MEFV: variants seen among roughly 807,000 people sequenced by gnomAD.
MEFV encodes pyrin.
MEFV carries 60 observed loss-of-function variants against 62.5 expected under a neutral mutation model. That is an observed-to-expected ratio of 0.96 (90% CI 0.78 to 1.19). The LOEUF is 1.19. Among genes scored for constraint, MEFV ranks in the 50% most tolerant of loss-of-function variants. The pLI, the probability that MEFV is intolerant of heterozygous loss-of-function variation, is 0.00. For synonymous variants in MEFV, 500 were observed against 415.2 expected (o/e 1.20, Z -2.48); for missense variants, 1,169 against 1,004.5 (o/e 1.16, Z -2.21).
chr16:3,255,871 G>C (rs2141678895), intron 1 of MEFV, among the ~76,000 whole-genome samples: 1 of 152,170 alleles, frequency 6.6e-6, no homozygotes, highest in South Asian at 2.1e-4. Context: ...GGAGGCTGAG[G>C]CGGGAGGATC....
In MEFV at chr16:3,242,794, G is replaced by C. The variant is rs1461897075; in HGVS notation, c.*347C>G. 5.2e-6 allele frequency: 2 copies of C among 381,496 alleles called. No homozygotes were observed. The highest frequency in any genetic ancestry group is 1.0e-5 in the Non-Finnish European group (2 of 199,964). The allele number at this position is 381,496 out of a possible 1,614,324, so 23.6% of individuals were successfully genotyped here. A position where few individuals can be genotyped will look rare whatever the true frequency, so the allele number is the denominator to read the frequency against. ...CTCAAGACAGAAGCAGAGAGAACAAGGGGACATATATCCTTGCCGTGGGGT... is the reference window on the plus strand; with the variant it reads ...CTCAAGACAGAAGCAGAGAGAACAACGGGACATATATCCTTGCCGTGGGGT... On this transcript the variant is annotated 3_prime_UTR_variant, in exon 10 of 10. Coordinates refer to ENST00000219596, the MANE Select transcript of MEFV (RefSeq NM_000243.3).
intron 4 of MEFV, chr16:3,247,591 A>G (rs948769643): frequency 3.2e-6 from 1 of 316,008 alleles, no homozygotes; most frequent in Admixed American, 4.4e-5. Context: ...ATGTGGTCCT[A>G]CTGGGATTGG....
At chr16:3,243,914 G>C (rs765798214) in intron 8 of MEFV, 22 bp from the exon 9 acceptor site, 3 of 1,613,530 alleles carry the variant, frequency 1.9e-6, no homozygotes, top group Admixed American at 1.7e-5. Context: ...AATCAGATAG[G>C]GAAAAAAATC....
intron 8 of MEFV, 144 bp downstream of exon 8, chr16:3,244,110 G>A (rs773652402): frequency 6.4e-7 from 1 of 1,554,436 alleles, no homozygotes. Flanking sequence ...CAGAGCCTGG[G>A]GGGCCTGCCA....
At chr16:3,251,903 C>A (rs951671190) in intron 2 of MEFV, 2 of 277,972 alleles carry the variant, frequency 7.2e-6, no homozygotes, top group South Asian at 3.1e-5. Flanking sequence ...CTAGAAGACA[C>A]CCAGGAATCC....
intron 2 of MEFV, among the ~76,000 whole-genome samples, chr16:3,253,218 T>G (rs1166291189): frequency 1.3e-5 from 2 of 152,056 alleles, no homozygotes; most frequent in African/African-American, 4.8e-5. Flanking sequence ...CCAGTTACCT[T>G]AAGATCATTT....
Position 3,244,266 on chromosome 16 carries a change from C to A in MEFV, c.1747G>T (p.Glu583Ter), listed in dbSNP as rs1387563585. 1 of 1,614,050 alleles carries A rather than the reference C, an allele frequency of 6.2e-7. No homozygotes were observed. The highest frequency in any genetic ancestry group is 1.3e-5 in the African/African-American group (1 of 74,998). Residue 583 changes from glutamate to a stop codon, truncating the protein, a stop_gained, in exon 8 of 10, where the codon GAA becomes TAA. Coordinates refer to ENST00000219596, the MANE Select transcript of MEFV (RefSeq NM_000243.3). LOFTEE classifies it low-confidence loss of function (END_TRUNC). ...YFSETLRSEMEMFNVPELIGA... is the reference protein window; with the variant it reads ...YFSETLRSEM The stretch of plus-strand genomic sequence containing the variant: ...CCGCTGGACTCACCATTGAACATTT[C>A]CATTTCTGAACGCAGGGTTTCTAAA...
rs573854615 is a variant in MEFV, at chr16:3,243,158, C to G, written c.2329G>C (p.Gly777Arg). ...TAPLTICPVG[G>R]QGPD The stretch of plus-strand genomic sequence containing the variant: ...TTGGGCATTCAGTCAGGCCCCTGAC[C>G]ACCCACTGGACAGATAGTCAGAGGA... The change falls in exon 10 of 10, where the codon GGT becomes CGT. Residue 777 changes from glycine (G) to arginine (R), a missense_variant. Coordinates refer to ENST00000219596, the MANE Select transcript of MEFV (RefSeq NM_000243.3). The G allele has an allele frequency of 2.5e-6, 4 of 1,613,542 alleles. No individual in the cohort carries two copies. The African/African-American group carries it at 5.3e-5, about 22-fold the overall frequency.
intron 3 of MEFV, 70 bp from the exon 4 acceptor site, chr16:3,249,074 AG>A: frequency 6.9e-7 from 1 of 1,452,724 alleles, no homozygotes; most frequent in Non-Finnish European, 9.6e-7. Flanking sequence ...CCAACTCTGG[AG>A]GGGAACATCT....
Position 3,249,668 on chromosome 16 carries a change from G to A in MEFV, c.1023C>T (p.His341=). Residue 341 remains histidine, a synonymous_variant, in exon 3 of 10, where the codon CAC becomes CAT. Coordinates refer to ENST00000219596, the MANE Select transcript of MEFV (RefSeq NM_000243.3). ...SCSFPEAVSG[H]PQASGSRSPG... is the part of the protein sequence containing the mutation. ...GTGAGCGGCTGCCTGAGGCCTGGGG[G>A]TGCCCAGAAACTGCCTCGGGGAAGC... is the stretch of plus-strand genomic sequence containing the variant. 1 of 1,613,166 alleles carries A rather than the reference G, an allele frequency of 6.2e-7. No homozygotes were observed. Among genetic ancestry groups the A allele is most frequent in the Non-Finnish European group, 8.5e-7 (1 of 1,179,330 alleles).
chr16:3,250,717 G>A (rs892849926), intron 2 of MEFV, among the ~76,000 whole-genome samples: 3 of 151,230 alleles, frequency 2.0e-5, no homozygotes, highest in East Asian at 1.9e-4. Flanking sequence ...GACATGCCAC[G>A]AGATACAAGA....
chr16:3,242,819 T>G lies in MEFV; in HGVS notation c.*322A>C. On this transcript the variant is annotated 3_prime_UTR_variant, in exon 10 of 10. Coordinates refer to ENST00000219596, the MANE Select transcript of MEFV (RefSeq NM_000243.3). ...GGGGACATATATCCTTGCCGTGGGGTTCTGAGGGAAAATGAGGGCCAAATC... is the reference window on the plus strand; with the variant it reads ...GGGGACATATATCCTTGCCGTGGGGGTCTGAGGGAAAATGAGGGCCAAATC... 1 of 418,234 alleles carries G rather than the reference T, an allele frequency of 2.4e-6. No homozygotes were observed. The highest frequency in any genetic ancestry group is 4.5e-6 in the Non-Finnish European group (1 of 222,198). The allele number at this position is 418,234 out of a possible 1,614,324, so 25.9% of individuals were successfully genotyped here.
In MEFV at chr16:3,254,288, G is replaced by A. The variant is rs1959080451; in HGVS notation, c.780C>T (p.Leu260=). 6.2e-7 allele frequency: 1 copy of A among 1,614,250 alleles called. No homozygotes were observed. The highest frequency in any genetic ancestry group is 1.6e-4 in the Middle Eastern group (1 of 6,062). ...GEKAPANPEI[L]LTLEEKTAAN... ...CAGCTGTCTTTTCCTCTAGAGTCAG[G>A]AGAATTTCTGGATTTGCGGGCGCCT... The change falls in exon 2 of 10, where the codon CTC becomes CTT. Residue 260 remains leucine (L), a synonymous_variant. Transcript: ENST00000219596.
chr16:3,252,624 C>A (rs1458582145), intron 2 of MEFV, among the ~76,000 whole-genome samples: 1 of 151,862 alleles, frequency 6.6e-6, no homozygotes, highest in Non-Finnish European at 1.5e-5. Flanking sequence ...TTCTCCTCTC[C>A]AGCCAACAAT....
intron 2 of MEFV, chr16:3,251,965 C>T (rs778902006): frequency 2.3e-6 from 1 of 427,200 alleles, no homozygotes; most frequent in South Asian, 1.7e-5. Context: ...ACCTGTAATC[C>T]CAGCAGTTTC....
chr16:3,256,618 G>A lies in MEFV; in HGVS notation c.-31C>T, dbSNP rs1959120159. ...TGAGCAGGAGAGGCTCGAGCCAGCTGTCTGGCTTCTGGTAGGAAAAGAAGC... is the reference window on the plus strand; with the variant it reads ...TGAGCAGGAGAGGCTCGAGCCAGCTATCTGGCTTCTGGTAGGAAAAGAAGC... On this transcript the variant is annotated 5_prime_UTR_variant, in exon 1 of 10. Coordinates refer to ENST00000219596, the MANE Select transcript of MEFV (RefSeq NM_000243.3). 4 of 1,613,942 alleles carry A rather than the reference G, an allele frequency of 2.5e-6. No homozygotes were observed. Among genetic ancestry groups the A allele is most frequent in the African/African-American group, 1.3e-5 (1 of 75,060 alleles).
Position 3,242,884 on chromosome 16 carries a change from C to T in MEFV, c.*257G>A, listed in dbSNP as rs369931801. 80 of 519,442 alleles carry T rather than the reference C, an allele frequency of 1.5e-4. No individual in the cohort carries two copies. The highest frequency in any genetic ancestry group is 1.2e-3 in the African/African-American group (63 of 52,238). 32.2% of individuals were successfully genotyped at this position (519,442 alleles called of 1,614,324 possible). ...ACCTGAGAGTGCCACCCACCAGGGG[C>T]GGATTATGCAACGACTCCGTACTTC... On this transcript the variant is annotated 3_prime_UTR_variant, in exon 10 of 10. Transcript: ENST00000219596.
intron 6 of MEFV, among the ~76,000 whole-genome samples, chr16:3,246,014 C>T (rs1292644787): frequency 1.3e-5 from 2 of 152,226 alleles, no homozygotes; most frequent in East Asian, 1.9e-4. Context: ...CACGTTACAA[C>T]ACGGATGAAG....
At chr16:3,248,022 G>A (rs935036194) in intron 4 of MEFV, 6 of 151,856 alleles carry the variant, frequency 4.0e-5, no homozygotes, top group Non-Finnish European at 5.9e-5. Context: ...ACTTTGGGAG[G>A]CCGAGGCAGG....
Sources: allele counts gnomAD v4.1 joint callset (sites outside exome capture counted in the v4.1 genomes callset), GRCh38; gene constraint gnomAD v4.1.1; transcripts MANE v1.5; gene names NCBI Gene and HGNC (gene_info 2026-07-23, HGNC 2026-07-21).